Variants in LRTM1 observed in about 807,000 individuals in gnomAD.
LRTM1 encodes leucine-rich repeat and transmembrane domain-containing protein 1.
A neutral mutation model predicts 32.4 loss-of-function variants in LRTM1; 38 were observed. The observed-to-expected ratio is 1.17, with a 90% CI of 0.91 to 1.54. The LOEUF (loss-of-function observed/expected upper bound fraction) is 1.54. LRTM1 is among the 40% of genes most tolerant of loss of function. The probability of loss-of-function intolerance (pLI) is 0.00; values close to 1 mark genes in which losing one functional copy is unlikely to be tolerated. For missense variants in LRTM1, 466 were observed against 415.4 expected (o/e 1.12, Z -1.06); for synonymous variants, 186 against 169.9 (o/e 1.09, Z -0.74).
chr3:54,939,905 A>C (rs1375890769), intron 1 of LRTM1, among the ~76,000 whole-genome samples: 1 of 152,240 alleles, frequency 6.6e-6, no homozygotes, highest in Non-Finnish European at 1.5e-5. Context: ...AAGATAGAGC[A>C]TGCCCTGGAA....
upstream of LRTM1, among the ~76,000 whole-genome samples, chr3:54,932,752 G>A (rs558510493): frequency 6.6e-6 from 1 of 152,296 alleles, no homozygotes; most frequent in East Asian, 1.9e-4. Flanking sequence ...ATGGCCAAGT[G>A]CTCCTCCATC....
intron 1 of LRTM1, among the ~76,000 whole-genome samples, chr3:54,956,872 C>G (rs931620488): frequency 2.6e-5 from 4 of 152,130 alleles, no homozygotes; most frequent in Non-Finnish European, 4.4e-5. Flanking sequence ...CGAGAGCACA[C>G]TACATCTTAC....
intron 1 of LRTM1, among the ~76,000 whole-genome samples, chr3:54,945,028 C>T (rs1409642675): frequency 1.3e-5 from 2 of 152,146 alleles, no homozygotes; most frequent in African/African-American, 4.8e-5. Context: ...CTTAGCCAAA[C>T]TGGAGAATGG....
At chr3:54,942,265 C>T (rs1035294819) in intron 1 of LRTM1, among the ~76,000 whole-genome samples, 1 of 152,140 alleles carries the variant, frequency 6.6e-6, no homozygotes, top group African/African-American at 2.4e-5. Context: ...GGCTAAGACT[C>T]ACCTTCTGAA....
intron 1 of LRTM1, among the ~76,000 whole-genome samples, chr3:54,934,059 T>A (rs1325092292): frequency 6.6e-6 from 1 of 152,166 alleles, no homozygotes; most frequent in Non-Finnish European, 1.5e-5. Context: ...GCATGAGCCA[T>A]TGTGCCCATC....
At chr3:54,922,367 T>C (rs1001965069) in intron 2 of LRTM1, among the ~76,000 whole-genome samples, 3 of 151,720 alleles carry the variant, frequency 2.0e-5, no homozygotes, top group Admixed American at 6.6e-5. Context: ...ATGAAAACTA[T>C]CTTTCTGTGT....
chr3:54,942,461 G>C (rs1701496955), intron 1 of LRTM1, among the ~76,000 whole-genome samples: 2 of 152,214 alleles, frequency 1.3e-5, no homozygotes, highest in African/African-American at 4.8e-5. Context: ...GAATCTTGAG[G>C]CTGGGACCTT....
chr3:54,961,453 C>G (rs1185620368), intron 1 of LRTM1, among the ~76,000 whole-genome samples: 1 of 152,214 alleles, frequency 6.6e-6, no homozygotes, highest in African/African-American at 2.4e-5. Flanking sequence ...TGTATTCCCT[C>G]TAATAAAACT....
chr3:54,941,692 A>G (rs1280535030), intron 1 of LRTM1, among the ~76,000 whole-genome samples: 1 of 152,168 alleles, frequency 6.6e-6, no homozygotes, highest in Non-Finnish European at 1.5e-5. Context: ...TTAAAGTAAT[A>G]ATTTCTTCCT....
chr3:54,945,550 A>G (rs2106998875), intron 1 of LRTM1, among the ~76,000 whole-genome samples: 1 of 152,158 alleles, frequency 6.6e-6, no homozygotes, highest in African/African-American at 2.4e-5. Context: ...ACTTCTTTCC[A>G]TTCCCTCCCA....
At chr3:54,923,009 C>T (rs1315655724) in intron 2 of LRTM1, among the ~76,000 whole-genome samples, 1 of 152,200 alleles carries the variant, frequency 6.6e-6, no homozygotes, top group African/African-American at 2.4e-5. Flanking sequence ...TGTCTCACCA[C>T]CCTGGTTTGG....
At chr3:54,958,362 C>T (rs548490444) in intron 1 of LRTM1, among the ~76,000 whole-genome samples, 20 of 152,306 alleles carry the variant, frequency 1.3e-4, no homozygotes, top group Middle Eastern at 3.4e-3. Flanking sequence ...CACTGCACTC[C>T]AGCCTGGGCG....
At chr3:54,920,083 A>T (rs1426880985) in intron 2 of LRTM1, among the ~76,000 whole-genome samples, 2 of 152,230 alleles carry the variant, frequency 1.3e-5, no homozygotes, top group Non-Finnish European at 2.9e-5. Flanking sequence ...AAAGACTGGC[A>T]CTGCAGTTAG....
chr3:54,931,753 A>C (rs1701196179), upstream of LRTM1, among the ~76,000 whole-genome samples: 1 of 152,228 alleles, frequency 6.6e-6, no homozygotes, highest in South Asian at 2.1e-4. Context: ...AATGTTTTCT[A>C]ATATGTTAGT....
In LRTM1 at chr3:54,923,852, G is replaced by A. The variant is rs555749900; in HGVS notation, c.604+767C>T. Among the ~76,000 whole-genome samples the A allele has an allele frequency of 1.2e-4, 18 of 152,282 alleles. 1 individual carries two copies. The South Asian group carries it at 3.7e-3, about 32-fold the overall frequency. On this transcript the variant is annotated intron_variant, in intron 2 of 2. Coordinates refer to ENST00000273286, the MANE Select transcript of LRTM1 (RefSeq NM_020678.4). Reference sequence around the variant, plus strand: ...ACAACAGGGGTTGGCAAACTTTTCTGTAAAGGGCCAGATAGACAATACAGC... The same window carrying A: ...ACAACAGGGGTTGGCAAACTTTTCTATAAAGGGCCAGATAGACAATACAGC...
chr3:54,931,719 A>G (rs565233940), upstream of LRTM1, among the ~76,000 whole-genome samples: 10 of 152,292 alleles, frequency 6.6e-5, no homozygotes, highest in African/African-American at 2.4e-4. Context: ...TCTGAGACAT[A>G]TTCTTTTGCC....
intron 1 of LRTM1, among the ~76,000 whole-genome samples, chr3:54,937,562 T>A (rs955416625): frequency 2.6e-5 from 4 of 152,156 alleles, no homozygotes; most frequent in African/African-American, 9.7e-5. Flanking sequence ...GTCAACTGTA[T>A]ATGAAAAAGT....
chr3:54,921,856 CTGTTA>C (rs1304873378), intron 2 of LRTM1, among the ~76,000 whole-genome samples: 1 of 151,626 alleles, frequency 6.6e-6, no homozygotes, highest in African/African-American at 2.4e-5. Context: ...CTGGGCTAGT[CTGTTA>C]TGTCGGTTAG....
intron 1 of LRTM1, among the ~76,000 whole-genome samples, chr3:54,945,065 GT>G (rs1184801992): frequency 6.6e-6 from 1 of 152,170 alleles, no homozygotes; most frequent in Non-Finnish European, 1.5e-5. Context: ...TCTAGGCCTT[GT>G]TTGGGGGCTA....
Sources: gnomAD v4.1 joint callset for allele counts (sites outside exome capture counted in the v4.1 genomes callset) on GRCh38, gnomAD v4.1.1 for gene constraint, MANE v1.5 for transcripts, NCBI Gene and HGNC (gene_info 2026-07-23, HGNC 2026-07-21) for gene names.